Variants in PAK5 observed in about 807,000 individuals in gnomAD.
PAK5 encodes the protein serine/threonine-protein kinase PAK 5.
Under a neutral mutation model 65.9 loss-of-function variants are expected in PAK5, and 16 were observed. The ratio of observed to expected loss-of-function variants is 0.24; its 90% CI spans 0.16 to 0.37. PAK5 has a LOEUF of 0.37. Among genes scored for constraint, PAK5 ranks in the 10% least tolerant of loss-of-function variants. PAK5 has a pLI of 1.00. For missense variants in PAK5, 785 were observed against 903.9 expected (o/e 0.87, Z 1.69); for synonymous variants, 371 against 354.9 (o/e 1.05, Z -0.51).
chr20:9,743,468 ATGGCTTAAAC>A (rs1210143849), intron 1 of PAK5, among the ~76,000 whole-genome samples: 3 of 152,096 alleles, frequency 2.0e-5, no homozygotes, highest in Non-Finnish European at 4.4e-5. Flanking sequence ...CTAAATCTAA[ATGGCTTAAAC>A]TGAACTAACT....
At chr20:9,653,488 T>C (rs886573254) in intron 2 of PAK5, among the ~76,000 whole-genome samples, 1 of 152,216 alleles carries the variant, frequency 6.6e-6, no homozygotes, top group Non-Finnish European at 1.5e-5. Flanking sequence ...ACTTGCTCTG[T>C]TTCTTTCCTA....
chr20:9,588,370 TA>T (rs909452988), intron 3 of PAK5, among the ~76,000 whole-genome samples: 20 of 152,194 alleles, frequency 1.3e-4, no homozygotes, highest in African/African-American at 4.8e-4. Flanking sequence ...GTTGATGGTA[TA>T]AATGTATCAC....
chr20:9,738,657 C>A (rs1387839862), intron 1 of PAK5, among the ~76,000 whole-genome samples: 1 of 151,980 alleles, frequency 6.6e-6, no homozygotes, highest in Non-Finnish European at 1.5e-5. Flanking sequence ...TTCCTGGGGA[C>A]AGAGGTTGGG....
At chr20:9,649,820 T>G (rs927358587) in intron 2 of PAK5, among the ~76,000 whole-genome samples, 2 of 152,190 alleles carry the variant, frequency 1.3e-5, no homozygotes, top group African/African-American at 4.8e-5. Context: ...CTGCTCTATA[T>G]GTACCAATTC....
chr20:9,763,649 G>C (rs2048724838), intron 1 of PAK5, among the ~76,000 whole-genome samples: 1 of 152,094 alleles, frequency 6.6e-6, no homozygotes, highest in African/African-American at 2.4e-5. Flanking sequence ...AATATGACAG[G>C]AGTGAATTGA....
rs531683893 is a variant in PAK5, at chr20:9,829,217, T to C, written c.-162+9545A>G. Among the ~76,000 whole-genome samples the C allele has an allele frequency of 1.7e-4, 26 of 152,360 alleles. 1 individual carries two copies. Among genetic ancestry groups the C allele is most frequent in the African/African-American group, 6.0e-4 (25 of 41,584 alleles). On this transcript the variant is annotated intron_variant, in intron 1 of 9. Transcript: ENST00000353224. ...ACTGCAAGGCAGTCCATTCATTTAC[T>C]TTCCCTTTTCATGAGGAAATCTGCA...
At chr20:9,700,174 G>A (rs569361200) in intron 2 of PAK5, among the ~76,000 whole-genome samples, 1 of 152,258 alleles carries the variant, frequency 6.6e-6, no homozygotes, top group East Asian at 1.9e-4. Flanking sequence ...CACTTTGGGA[G>A]GCTGAGGTGG....
At chr20:9,809,113 C>T (rs1340263694) in intron 1 of PAK5, among the ~76,000 whole-genome samples, 1 of 151,914 alleles carries the variant, frequency 6.6e-6, no homozygotes, top group Non-Finnish European at 1.5e-5. Context: ...GGTGCCCTTG[C>T]CAGTGTGGGA....
At chr20:9,563,354 G>C (rs2045621903) in intron 5 of PAK5, among the ~76,000 whole-genome samples, 1 of 152,154 alleles carries the variant, frequency 6.6e-6, no homozygotes, top group Non-Finnish European at 1.5e-5. Context: ...ATATCTCTAA[G>C]GGTCTCCTTT....
chr20:9,654,510 T>C (rs961995804), intron 2 of PAK5, among the ~76,000 whole-genome samples: 1 of 152,208 alleles, frequency 6.6e-6, no homozygotes, highest in African/African-American at 2.4e-5. Context: ...CAGGCTACTA[T>C]AAAATTATCT....
rs73600244 is a variant in PAK5 at position 9,581,785 on chromosome 20, C to T, written c.205-855G>A. On this transcript the variant is annotated intron_variant, in intron 3 of 9. Transcript: ENST00000353224. ...CCCGTCAGCCGTGCCTTGACAATGA[C>T]AGGATTTGCAGGCAAATATGATGGG... Among the ~76,000 whole-genome samples the T allele has an allele frequency of 7.2e-4, 109 of 152,238 alleles. No homozygotes were observed. In the East Asian group the frequency reaches 0.011, roughly 16 times the overall value.
intron 1 of PAK5, among the ~76,000 whole-genome samples, chr20:9,733,428 CTTTCTCTCTCTCTCTT>C (rs2048355349): frequency 6.6e-6 from 1 of 151,646 alleles, no homozygotes; most frequent in Admixed American, 6.6e-5. Context: ...TTCTCTCTCT[CTTTCTCTCTCTCTCTT>C]TTTCTCTCTT....
intron 3 of PAK5, among the ~76,000 whole-genome samples, chr20:9,641,143 A>G (rs1407258331): frequency 1.3e-5 from 2 of 152,078 alleles, no homozygotes; most frequent in African/African-American, 4.8e-5. Context: ...GATTAGTTAG[A>G]TACAGAGTTT....
chr20:9,824,636 TCTC>T lies in PAK5; in HGVS notation c.-162+14123_-162+14125del, dbSNP rs1404788269. 2.6e-5 allele frequency among the ~76,000 whole-genome samples: 4 copies of T among 152,060 alleles called. No individual in the cohort carries two copies. The East Asian group carries it at 7.7e-4, about 29-fold the overall frequency. Reference sequence around the variant, plus strand: ...CATGTGTATCTACACGGCAATTTCCTCTCCTCCTTCAAATGTCACTTTCTCAAT... The same window carrying T: ...CATGTGTATCTACACGGCAATTTCCTCTCCTTCAAATGTCACTTTCTCAAT... On this transcript the variant is annotated intron_variant, in intron 1 of 9. Transcript: ENST00000353224.
intron 7 of PAK5, among the ~76,000 whole-genome samples, chr20:9,551,004 T>C (rs577637821): frequency 6.6e-6 from 1 of 152,218 alleles, no homozygotes; most frequent in South Asian, 2.1e-4. Flanking sequence ...ACCATCTCCC[T>C]GACAAAATGT....
At chr20:9,735,435 C>T (rs1446188937) in intron 1 of PAK5, among the ~76,000 whole-genome samples, 3 of 152,120 alleles carry the variant, frequency 2.0e-5, no homozygotes, top group Non-Finnish European at 4.4e-5. Context: ...CCACCTAAAA[C>T]GTTTAGAGGT....
intron 1 of PAK5, among the ~76,000 whole-genome samples, chr20:9,767,960 G>C (rs771368351): frequency 3.3e-5 from 5 of 152,148 alleles, no homozygotes; most frequent in Non-Finnish European, 7.4e-5. Flanking sequence ...GCAGCAGCAT[G>C]AATGCAGCTG....
At chr20:9,703,158 A>G (rs1733989126) in intron 2 of PAK5, among the ~76,000 whole-genome samples, 1 of 152,238 alleles carries the variant, frequency 6.6e-6, no homozygotes, top group South Asian at 2.1e-4. Flanking sequence ...GCTGTAGGCC[A>G]TCAGAACATA....
chr20:9,620,626 C>G (rs2046751077), intron 3 of PAK5, among the ~76,000 whole-genome samples: 1 of 152,142 alleles, frequency 6.6e-6, no homozygotes, highest in African/African-American at 2.4e-5. Flanking sequence ...GAACATGGCT[C>G]ACAGTGATAT....
Sources: gnomAD v4.1 joint callset for allele counts (sites outside exome capture counted in the v4.1 genomes callset) on GRCh38, gnomAD v4.1.1 for gene constraint, MANE v1.5 for transcripts, NCBI Gene and HGNC (gene_info 2026-07-23, HGNC 2026-07-21) for gene names.